KLHL1: variants seen among roughly 807,000 people sequenced by gnomAD.
The protein encoded by KLHL1 is kelch-like protein 1.
Under a neutral mutation model 77.7 loss-of-function variants are expected in KLHL1, and 47 were observed. The ratio of observed to expected loss-of-function variants is 0.60; its 90% CI spans 0.48 to 0.77. KLHL1 has a LOEUF of 0.77. KLHL1 is among the 30% of genes least tolerant of loss of function. The pLI, the probability that KLHL1 is intolerant of heterozygous loss-of-function variation, is 0.00. For synonymous variants in KLHL1, 360 were observed against 325.2 expected (o/e 1.11, Z -1.15); for missense variants, 925 against 910.8 (o/e 1.02, Z -0.20).
intron 5 of KLHL1, among the ~76,000 whole-genome samples, chr13:69,880,982 C>T (rs1242273272): frequency 6.6e-6 from 1 of 152,090 alleles, no homozygotes; most frequent in Admixed American, 6.6e-5. Context: ...AGATTACCCG[C>T]CCAAACTCTA....
At chr13:69,934,494 G>C (rs1200264378) in intron 4 of KLHL1, among the ~76,000 whole-genome samples, 4 of 151,846 alleles carry the variant, frequency 2.6e-5, no homozygotes, top group Non-Finnish European at 4.4e-5. Flanking sequence ...CGCCTCTAGG[G>C]TATACTAATC....
chr13:69,947,504 C>T (rs913143695), intron 3 of KLHL1, among the ~76,000 whole-genome samples: 1 of 151,650 alleles, frequency 6.6e-6, no homozygotes, highest in Non-Finnish European at 1.5e-5. Flanking sequence ...TAATAATACA[C>T]TTCATAATAA....
At chr13:69,823,720 T>C (rs372075675) in intron 6 of KLHL1, among the ~76,000 whole-genome samples, 1 of 152,096 alleles carries the variant, frequency 6.6e-6, no homozygotes, top group Non-Finnish European at 1.5e-5. Context: ...ACATGGATAC[T>C]GGGACTTTCT....
intron 1 of KLHL1, among the ~76,000 whole-genome samples, chr13:70,010,237 GA>G (rs1420667554): frequency 1.3e-5 from 2 of 152,100 alleles, no homozygotes; most frequent in Non-Finnish European, 2.9e-5. Context: ...GATTGTTTTA[GA>G]AGTATCACTA....
At chr13:69,750,118 TACTA>T (rs1281112802) in intron 7 of KLHL1, among the ~76,000 whole-genome samples, 6 of 151,612 alleles carry the variant, frequency 4.0e-5, no homozygotes, top group Non-Finnish European at 8.9e-5. Context: ...TGTATTAAAT[TACTA>T]AATTATTATT....
chr13:69,769,065 A>AT (rs1342702774), intron 7 of KLHL1, among the ~76,000 whole-genome samples: 3 of 152,198 alleles, frequency 2.0e-5, no homozygotes, highest in Non-Finnish European at 4.4e-5. Flanking sequence ...TGCTTAACTA[A>AT]TTATTATCTA....
chr13:69,920,952 T>G (rs557269043), intron 4 of KLHL1, among the ~76,000 whole-genome samples: 1 of 152,314 alleles, frequency 6.6e-6, no homozygotes, highest in Admixed American at 6.5e-5. Flanking sequence ...TTTTAACATA[T>G]CCATAAGGTC....
chr13:69,972,714 A>C lies in KLHL1; in HGVS notation c.680+2906T>G, dbSNP rs548993738. ...ATAAGATTTCCCCATGTATGTCTGC[A>C]AAATGCTCTTACTCTTAATAATGGC... is the stretch of plus-strand genomic sequence containing the variant. On this transcript the variant is annotated intron_variant, in intron 2 of 10. Coordinates refer to ENST00000377844, the MANE Select transcript of KLHL1 (RefSeq NM_020866.3). 3.3e-5 allele frequency among the ~76,000 whole-genome samples: 5 copies of C among 152,052 alleles called. 1 individual carries two copies. The South Asian group carries it at 1.0e-3, about 32-fold the overall frequency.
At chr13:69,860,418 T>A (rs1255223864) in intron 5 of KLHL1, among the ~76,000 whole-genome samples, 1 of 151,958 alleles carries the variant, frequency 6.6e-6, no homozygotes, top group Non-Finnish European at 1.5e-5. Context: ...GCCTCTTTTT[T>A]AAAAAACGAG....
chr13:70,063,142 C>T (rs983831176), intron 1 of KLHL1, among the ~76,000 whole-genome samples: 2 of 152,098 alleles, frequency 1.3e-5, no homozygotes, highest in African/African-American at 4.8e-5. Context: ...AAACCTTTTA[C>T]TTAAAACTCT....
intron 1 of KLHL1, among the ~76,000 whole-genome samples, chr13:70,096,344 C>A (rs1005943812): frequency 1.3e-5 from 2 of 152,068 alleles, no homozygotes; most frequent in African/African-American, 4.8e-5. Flanking sequence ...TCTGCATCCT[C>A]ACCAGCATCC....
At chr13:69,955,996 GAT>G (rs1239569423) in intron 3 of KLHL1, among the ~76,000 whole-genome samples, 1 of 119,434 alleles carries the variant, frequency 8.4e-6, no homozygotes, top group African/African-American at 3.2e-5. Context: ...ATATTTATTT[GAT>G]ATATATTTAT....
At chr13:70,046,614 A>G (rs1463049824) in intron 1 of KLHL1, among the ~76,000 whole-genome samples, 1 of 152,116 alleles carries the variant, frequency 6.6e-6, no homozygotes, top group Non-Finnish European at 1.5e-5. Context: ...CAGCTTCCCT[A>G]GTAGCTGGGA....
At chr13:70,005,992 A>G (rs1191397770) in intron 1 of KLHL1, among the ~76,000 whole-genome samples, 1 of 151,916 alleles carries the variant, frequency 6.6e-6, no homozygotes, top group African/African-American at 2.4e-5. Flanking sequence ...CTTTACTTCT[A>G]TTTAGCAACG....
At chr13:69,786,537 C>T (rs888188146) in intron 7 of KLHL1, among the ~76,000 whole-genome samples, 1 of 152,120 alleles carries the variant, frequency 6.6e-6, no homozygotes, top group African/African-American at 2.4e-5. Context: ...ATGACAAACC[C>T]ACAGCCAATA....
chr13:69,957,252 T>C lies in KLHL1; in HGVS notation c.817+4056A>G, dbSNP rs2482552. Reference sequence around the variant, plus strand: ...TAAACTGAGAATGCCAACAAGTAGATAGTGATACATAGATTTTACTACTTT... The same window carrying C: ...TAAACTGAGAATGCCAACAAGTAGACAGTGATACATAGATTTTACTACTTT... On this transcript the variant is annotated intron_variant, in intron 3 of 10. Coordinates refer to ENST00000377844, the MANE Select transcript of KLHL1 (RefSeq NM_020866.3). Among the ~76,000 whole-genome samples the C allele has an allele frequency of 6.5e-3, 987 of 151,826 alleles. 14 individuals carry two copies. The highest frequency in any genetic ancestry group is 0.023 in the African/African-American group (940 of 41,504).
intron 1 of KLHL1, among the ~76,000 whole-genome samples, chr13:70,004,432 GA>G (rs1885361415): frequency 6.6e-6 from 1 of 151,854 alleles, no homozygotes; most frequent in South Asian, 2.1e-4. Flanking sequence ...TTTGGTCATG[GA>G]AACTGTCTTA....
At chr13:70,019,357 A>G (rs887864795) in intron 1 of KLHL1, among the ~76,000 whole-genome samples, 1 of 54,404 alleles carries the variant, frequency 1.8e-5, no homozygotes, top group Admixed American at 2.1e-4. Flanking sequence ...AGAACTGAGT[A>G]AGCTATAAAA....
chr13:69,888,854 C>T (rs1017514119), intron 4 of KLHL1, among the ~76,000 whole-genome samples: 2 of 151,882 alleles, frequency 1.3e-5, no homozygotes, highest in African/African-American at 4.8e-5. Flanking sequence ...CTCAAATAAA[C>T]TTAAGAAAGC....
Sources: gnomAD v4.1 joint callset for allele counts (sites outside exome capture counted in the v4.1 genomes callset) on GRCh38, gnomAD v4.1.1 for gene constraint, MANE v1.5 for transcripts, NCBI Gene and HGNC (gene_info 2026-07-23, HGNC 2026-07-21) for gene names.